Variants in PPP2R3B observed in about 807,000 individuals in gnomAD.
The protein encoded by PPP2R3B is serine/threonine-protein phosphatase 2A regulatory subunit B'' subunit beta.
PPP2R3B carries 68 observed loss-of-function variants against 72.9 expected under a neutral mutation model. That is an observed-to-expected ratio of 0.93 (90% CI 0.77 to 1.14). The LOEUF is 1.14. PPP2R3B is among the 50% of genes most tolerant of loss of function. PPP2R3B has a pLI of 0.00. For synonymous variants in PPP2R3B, 466 were observed against 375.8 expected (o/e 1.24, Z -2.78); for missense variants, 1,018 against 842.0 (o/e 1.21, Z -2.59).
chrX:360,288 C>T (rs182891908), intron 2 of PPP2R3B, among the ~76,000 whole-genome samples: 2 of 152,302 alleles, frequency 1.3e-5, no homozygotes, highest in Admixed American at 1.3e-4. Flanking sequence ...AATCCCAGCA[C>T]TTTGGGAGGC....
intron 1 of PPP2R3B, among the ~76,000 whole-genome samples, chrX:364,340 G>C (rs901851891): frequency 6.6e-6 from 1 of 151,886 alleles, no homozygotes; most frequent in African/African-American, 2.4e-5. Context: ...CTCTCCTGCA[G>C]GTTTGCAAAC....
At chrX:384,267 T>C (rs1255338057) in intron 1 of PPP2R3B, among the ~76,000 whole-genome samples, 1 of 147,744 alleles carries the variant, frequency 6.8e-6, no homozygotes, top group South Asian at 2.1e-4. Context: ...GAAGACTCTC[T>C]CTCTCTCTCT....
intron 2 of PPP2R3B, among the ~76,000 whole-genome samples, chrX:351,058 A>ATT (rs2071321838): frequency 1.3e-5 from 2 of 152,070 alleles, no homozygotes; most frequent in Admixed American, 6.5e-5. Flanking sequence ...CACAGCGGGG[A>ATT]TTGCAGTGCT....
chrX:369,922 G>A (rs763149641), intron 1 of PPP2R3B, among the ~76,000 whole-genome samples: 1 of 152,188 alleles, frequency 6.6e-6, no homozygotes, highest in African/African-American at 2.4e-5. Flanking sequence ...CAGGGACGGG[G>A]GGTTTGGCCG....
chrX:359,742 G>C (rs1199604929), intron 2 of PPP2R3B: 1 of 433,274 alleles, frequency 2.3e-6, no homozygotes, highest in Non-Finnish European at 4.5e-6. Flanking sequence ...AATGCAAGAA[G>C]TATGTATGTT....
chrX:383,225 C>T (rs180878930), intron 1 of PPP2R3B, among the ~76,000 whole-genome samples: 237 of 152,262 alleles, frequency 1.6e-3, no homozygotes, highest in Non-Finnish European at 2.1e-3. Flanking sequence ...ATTTAGAACG[C>T]AAGGAGCTCA....
intron 1 of PPP2R3B, among the ~76,000 whole-genome samples, chrX:381,210 T>C (rs1305935917): frequency 3.3e-5 from 5 of 152,172 alleles, no homozygotes; most frequent in Admixed American, 6.6e-5. Flanking sequence ...ATTGAGCCAC[T>C]GCACCCGGCC....
intron 2 of PPP2R3B, among the ~76,000 whole-genome samples, chrX:360,257 G>C (rs966566112): frequency 6.6e-6 from 1 of 152,232 alleles, no homozygotes; most frequent in African/African-American, 2.4e-5. Flanking sequence ...AACCCGGCCA[G>C]GTGCAGTGGC....
intron 2 of PPP2R3B, among the ~76,000 whole-genome samples, chrX:351,847 G>A (rs7883454): frequency 0.018 from 2,769 of 152,280 alleles, 106 homozygotes; most frequent in African/African-American, 0.063. Context: ...ACAGGTGCGC[G>A]CTATCATGCC....
chrX:359,172 C>G (rs767616923), intron 2 of PPP2R3B, among the ~76,000 whole-genome samples: 2 of 152,230 alleles, frequency 1.3e-5, no homozygotes, highest in Admixed American at 1.3e-4. Context: ...GCGCACTCCG[C>G]GAGGGTGAGT....
intron 2 of PPP2R3B, among the ~76,000 whole-genome samples, chrX:350,848 C>G (rs1276177644): frequency 3.9e-5 from 6 of 152,194 alleles, no homozygotes; most frequent in Non-Finnish European, 7.3e-5. Context: ...CCCAGAAGCA[C>G]ACCAGTGGGA....
intron 12 of PPP2R3B, chrX:335,476 T>C (rs1395063961): frequency 6.6e-6 from 1 of 152,210 alleles, no homozygotes; most frequent in African/African-American, 2.4e-5. Context: ...GCAGGGGCCC[T>C]GTGCTGCTTG....
intron 1 of PPP2R3B, among the ~76,000 whole-genome samples, chrX:384,452 G>A (rs1239905411): frequency 4.6e-5 from 7 of 151,782 alleles, no homozygotes; most frequent in African/African-American, 1.4e-4. Context: ...GCGCCACCAC[G>A]CCTGGCTAAT....
At chrX:368,769 CTTGGG>C (rs1359704132) in intron 1 of PPP2R3B, among the ~76,000 whole-genome samples, 2 of 111,902 alleles carry the variant, frequency 1.8e-5, no homozygotes, top group African/African-American at 3.8e-5. Context: ...GACCACCCAC[CTTGGG>C]CACCGACACG....
chrX:345,349 G>T, intron 7 of PPP2R3B, 167 bp downstream of exon 7: 2 of 984,744 alleles, frequency 2.0e-6, no homozygotes, highest in Non-Finnish European at 1.6e-6. Context: ...GGCAGCGACT[G>T]GGGAAGGAGA....
intron 2 of PPP2R3B, among the ~76,000 whole-genome samples, chrX:350,326 C>T (rs1003278984): frequency 2.4e-4 from 37 of 152,184 alleles, no homozygotes; most frequent in Admixed American, 1.8e-3. Flanking sequence ...GGCTCTGCCG[C>T]GGCCAAGGTT....
At chrX:338,751 C>G in intron 11 of PPP2R3B, 27 bp downstream of exon 11, 1 of 1,611,826 alleles carries the variant, frequency 6.2e-7, no homozygotes, top group Non-Finnish European at 8.5e-7. Flanking sequence ...CGTGGCGCGG[C>G]CCGGCCCGCG....
chrX:338,402 G>A (rs1318728739), intron 12 of PPP2R3B: 8 of 626,626 alleles, frequency 1.3e-5, no homozygotes, highest in African/African-American at 7.3e-5. Context: ...AGACTGCACC[G>A]AGGCCCGGCC....
At chrX:346,111 G>C in intron 6 of PPP2R3B, 63 bp downstream of exon 6, 3 of 901,428 alleles carry the variant, frequency 3.3e-6, no homozygotes, top group Non-Finnish European at 4.7e-6. Context: ...GGGAAGGGAA[G>C]GGAGTGGAGG....
Sources: allele counts gnomAD v4.1 joint callset (sites outside exome capture counted in the v4.1 genomes callset), GRCh38; gene constraint gnomAD v4.1.1; transcripts MANE v1.5; gene names NCBI Gene and HGNC (gene_info 2026-07-23, HGNC 2026-07-21).